PEAK1: variants seen among roughly 807,000 people sequenced by gnomAD.
The protein encoded by PEAK1 is pseudopodium enriched atypical kinase 1.
A neutral mutation model predicts 124.7 loss-of-function variants in PEAK1; 54 were observed. The observed-to-expected ratio is 0.43, with a 90% CI of 0.35 to 0.54. The LOEUF (loss-of-function observed/expected upper bound fraction) is 0.54. Among genes scored for constraint, PEAK1 ranks in the 20% least tolerant of loss-of-function variants. The pLI, the probability that PEAK1 is intolerant of heterozygous loss-of-function variation, is 0.01. For missense variants in PEAK1, 2,046 were observed against 2,134.5 expected, an observed-to-expected ratio of 0.96 and a Z score of 0.82; for synonymous variants, 719 against 760.0, an observed-to-expected ratio of 0.95 and a Z score of 0.89.
chr15:77,406,302 A>G (rs1350323284), intron 1 of PEAK1, among the ~76,000 whole-genome samples: 1 of 152,226 alleles, frequency 6.6e-6, no homozygotes, highest in Admixed American at 6.5e-5. Context: ...AGAGAAAGAA[A>G]TAAAGGGCAT....
exon 7 of PEAK1, chr15:77,101,852 GAATCAAGCCCCTTT>G (rs1227227395): frequency 6.6e-6 from 1 of 152,122 alleles, no homozygotes; most frequent in East Asian, 1.9e-4. Flanking sequence ...AGGACAGGAT[GAATCAAGCCCCTTT>G]CCATCCAATT....
intron 2 of PEAK1, chr15:77,356,030 T>C (rs8027364): frequency 0.98 from 776,957 of 789,440 alleles, 383,551 homozygotes; most frequent in East Asian, 1. Flanking sequence ...TCTCTTGTAT[T>C]CCAGTGCCCA....
Position 77,198,481 on chromosome 15 carries a change from T to TA in PEAK1, c.-114-16442dup, listed in dbSNP as rs533281944. The stretch of plus-strand genomic sequence containing the variant: ...GTTATGTACTGTAGTTTGAGGTCTG[T>TA]AGCTTTAACTGCCCACCATTGCAAG... On this transcript the variant is annotated intron_variant, in intron 6 of 9. Coordinates refer to ENST00000682557, the MANE Select transcript of PEAK1 (RefSeq NM_001385026.1). Among the ~76,000 whole-genome samples, 323 of 152,320 alleles carry TA rather than the reference T, an allele frequency of 2.1e-3. 1 individual carries two copies. Among genetic ancestry groups the TA allele is most frequent in the African/African-American group, 7.5e-3 (313 of 41,566 alleles).
At chr15:77,294,244 G>T (rs889671387) in intron 2 of PEAK1, among the ~76,000 whole-genome samples, 1 of 152,108 alleles carries the variant, frequency 6.6e-6, no homozygotes. Flanking sequence ...GGTACTTTGT[G>T]TCTACTGAAT....
intron 1 of PEAK1, chr15:77,402,309 C>T (rs905491686): frequency 9.1e-6 from 9 of 984,936 alleles, no homozygotes; most frequent in African/African-American, 8.8e-5. Flanking sequence ...ATCTAGACAT[C>T]GGGGAGAAAA....
At chr15:77,366,049 A>G (rs2068215081) in intron 1 of PEAK1, among the ~76,000 whole-genome samples, 1 of 152,214 alleles carries the variant, frequency 6.6e-6, no homozygotes, top group African/African-American at 2.4e-5. Context: ...TTAAAATGAG[A>G]TATCATCTTT....
At chr15:77,106,679 A>G (rs1447249808), downstream of PEAK1, 1 of 152,256 alleles carries the variant, frequency 6.6e-6, no homozygotes, top group Non-Finnish European at 1.5e-5. Flanking sequence ...CTTTCAATCT[A>G]TAACTAAGGT....
intron 9 of PEAK1, among the ~76,000 whole-genome samples, chr15:77,131,819 T>C (rs1373638054): frequency 6.6e-6 from 1 of 152,084 alleles, no homozygotes; most frequent in African/African-American, 2.4e-5. Context: ...GGCTCATGCC[T>C]GTAATCCCAG....
At chr15:77,335,434 GC>G (rs2066139754) in intron 2 of PEAK1, 1 of 984,762 alleles carries the variant, frequency 1.0e-6, no homozygotes, top group Non-Finnish European at 1.2e-6. Flanking sequence ...CTGCTATTTT[GC>G]CCAATACTGT....
chr15:77,365,961 A>C (rs1215399225), intron 1 of PEAK1, among the ~76,000 whole-genome samples: 3 of 152,176 alleles, frequency 2.0e-5, no homozygotes, highest in Non-Finnish European at 2.9e-5. Flanking sequence ...TAAGCAAATA[A>C]GTAAATTAAA....
intron 1 of PEAK1, among the ~76,000 whole-genome samples, chr15:77,397,058 G>C (rs1158212696): frequency 1.3e-5 from 2 of 152,110 alleles, no homozygotes; most frequent in Non-Finnish European, 2.9e-5. Flanking sequence ...TCATATGTTA[G>C]GCCACAAAAC....
chr15:77,340,246 T>C (rs2066445889), intron 2 of PEAK1, among the ~76,000 whole-genome samples: 1 of 152,212 alleles, frequency 6.6e-6, no homozygotes, highest in Non-Finnish European at 1.5e-5. Context: ...TAGGTATGGA[T>C]AAAGTGTATT....
rs144479397 is a variant in PEAK1 at position 77,167,170 on chromosome 15, T to C, written c.3138-8474A>G. On this transcript the variant is annotated intron_variant, in intron 7 of 9. Transcript: ENST00000682557. The stretch of plus-strand genomic sequence containing the variant: ...ATAGAAAAATTTTCTTCAGAAGTGA[T>C]ATAAGCAGGAAAGGGCAAATAAAAT... 9.8e-5 allele frequency among the ~76,000 whole-genome samples: 15 copies of C among 152,290 alleles called. No individual in the cohort carries two copies. The East Asian group carries it at 2.7e-3, about 27-fold the overall frequency.
chr15:77,418,206 C>T (rs1463186698), intron 1 of PEAK1: 2 of 985,244 alleles, frequency 2.0e-6, no homozygotes, highest in Non-Finnish European at 2.4e-6. Flanking sequence ...TTATCTTTTT[C>T]TTTCACCAAA....
intron 1 of PEAK1, among the ~76,000 whole-genome samples, chr15:77,405,300 G>C (rs900506730): frequency 6.6e-6 from 1 of 152,062 alleles, no homozygotes; most frequent in Non-Finnish European, 1.5e-5. Context: ...CACCACGCCC[G>C]GCTGAGGTCA....
At chr15:77,272,969 T>A (rs908276890) in intron 5 of PEAK1, among the ~76,000 whole-genome samples, 4 of 152,118 alleles carry the variant, frequency 2.6e-5, no homozygotes, top group Non-Finnish European at 5.9e-5. Context: ...TGCAAGTCAA[T>A]AAATGTGATA....
intron 2 of PEAK1, among the ~76,000 whole-genome samples, chr15:77,309,513 T>C (rs1298401813): frequency 6.6e-6 from 1 of 152,126 alleles, no homozygotes; most frequent in Non-Finnish European, 1.5e-5. Flanking sequence ...ACATTGCATT[T>C]CTAAAATTAA....
chr15:77,387,446 G>C (rs545706931), intron 1 of PEAK1, among the ~76,000 whole-genome samples: 1 of 152,286 alleles, frequency 6.6e-6, no homozygotes, highest in African/African-American at 2.4e-5. Context: ...TGGATTTGTT[G>C]TTCAAATTCA....
rs781406998 is a variant in PEAK1 at position 77,179,950 on chromosome 15, A to C, written c.1977T>G (p.Ser659Arg). 1 of 1,613,838 alleles carries C rather than the reference A, an allele frequency of 6.2e-7. No homozygotes were observed. The highest frequency in any genetic ancestry group is 1.3e-5 in the African/African-American group (1 of 74,878). Residue 659 changes from serine to arginine, a missense_variant, in exon 7 of 10, where the codon AGT (serine) becomes AGG (arginine). Transcript: ENST00000682557. ...TTTCTTCATAAGTATGGCTTATTACACTTGTGGTTTTTTCCTTCACTGAGA... is the reference window on the plus strand; with the variant it reads ...TTTCTTCATAAGTATGGCTTATTACCCTTGTGGTTTTTTCCTTCACTGAGA... Reference protein sequence around the residue: ...GELSVKEKTTSVISHTYEEIE... With the variant: ...GELSVKEKTTRVISHTYEEIE...
Sources: allele counts gnomAD v4.1 joint callset (sites outside exome capture counted in the v4.1 genomes callset), GRCh38; gene constraint gnomAD v4.1.1; transcripts MANE v1.5; gene names NCBI Gene and HGNC (gene_info 2026-07-23, HGNC 2026-07-21).